The following PRC1 variants were observed in gnomAD, a reference collection of about 807,000 sequenced individuals.
The protein encoded by PRC1 is anaphase spindle elongation 1 homolog.
A neutral mutation model predicts 91.2 loss-of-function variants in PRC1; 54 were observed. The ratio of observed to expected loss-of-function variants is 0.59; its 90% CI spans 0.48 to 0.74. The LOEUF is 0.74. Ranked by LOEUF, PRC1 falls within the 30% of genes least tolerant of loss-of-function variation. The pLI, the probability that PRC1 is intolerant of heterozygous loss-of-function variation, is 0.00. For synonymous variants in PRC1, 275 were observed against 263.6 expected (o/e 1.04, Z -0.42); for missense variants, 727 against 746.2 (o/e 0.97, Z 0.30).
rs1472719651 is a variant in PRC1, at chr15:90,984,980, C to G, written c.12-155G>C. The stretch of plus-strand genomic sequence containing the variant: ...TCAGCTTAATTCACCTTTAACCACT[C>G]CCCATCCCTTTTCCTACCAAATGCC... On this transcript the variant is annotated intron_variant, in intron 1 of 14. Transcript: ENST00000394249. The surrounding 1 kb of genome is among the most constrained non-coding windows in gnomAD (Gnocchi z 5.1). Among the ~76,000 whole-genome samples the G allele has an allele frequency of 6.6e-6, 1 of 152,206 alleles. No individual in the cohort carries two copies. The highest frequency in any genetic ancestry group is 1.5e-5 in the Non-Finnish European group (1 of 68,052).
chr15:90,994,481 C>T lies in PRC1; in HGVS notation c.-64G>A. ...CTACTCCACACGGCCCCGAGAGCAA[C>T]AACCACCCGCAAACACCGGCGATGT... On this transcript the variant is annotated 5_prime_UTR_variant, in exon 1 of 15. Transcript: ENST00000394249. The T allele has an allele frequency of 1.9e-6, 3 of 1,561,970 alleles. No homozygotes were observed. The highest frequency in any genetic ancestry group is 2.6e-6 in the Non-Finnish European group (3 of 1,151,092).
At chr15:90,972,197 A>AAAAC (rs2038203878) in intron 11 of PRC1, among the ~76,000 whole-genome samples, 1 of 145,980 alleles carries the variant, frequency 6.9e-6, no homozygotes, top group Non-Finnish European at 1.5e-5. Flanking sequence ...AAAAAAAAAA[A>AAAAC]AAAAAAACAC....
chr15:90,967,774 A>C, intron 14 of PRC1: 1 of 911,750 alleles, frequency 1.1e-6, no homozygotes, highest in Non-Finnish European at 1.3e-6. Flanking sequence ...ACACTCTGAT[A>C]TGTGCACAAT....
chr15:90,994,481 C>CAA lies in PRC1; in HGVS notation c.-66_-65dup. 6.4e-7 allele frequency: 1 copy of CAA among 1,561,970 alleles called. No individual in the cohort carries two copies. Among genetic ancestry groups the CAA allele is most frequent in the Admixed American group, 1.8e-5 (1 of 55,698 alleles). On this transcript the variant is annotated 5_prime_UTR_variant, in exon 1 of 15. Coordinates refer to ENST00000394249, the MANE Select transcript of PRC1 (RefSeq NM_003981.4). ...CTACTCCACACGGCCCCGAGAGCAA[C>CAA]AACCACCCGCAAACACCGGCGATGT... is the stretch of plus-strand genomic sequence containing the variant.
At position 90,984,152 on chromosome 15, in the gene PRC1, A is replaced by G; in HGVS notation, c.145-12T>C. 4 of 1,613,720 alleles carry G rather than the reference A, an allele frequency of 2.5e-6. No homozygotes were observed. The highest frequency in any genetic ancestry group is 3.4e-6 in the Non-Finnish European group (4 of 1,179,798). ...ATATCCAGGAGTTCCTACAAGAGGG[A>G]AAACAGTCCATAAGTTTGGGGCAAT... On this transcript the variant is annotated splice_polypyrimidine_tract_variant and intron_variant, in intron 2 of 14. Transcript: ENST00000394249. The surrounding 1 kb of genome is among the most constrained non-coding windows in gnomAD (Gnocchi z 5.1).
At chr15:90,978,900 A>C (rs1456732652) in intron 8 of PRC1, among the ~76,000 whole-genome samples, 2 of 151,876 alleles carry the variant, frequency 1.3e-5, no homozygotes, top group African/African-American at 4.8e-5. Flanking sequence ...CAGATCTGCC[A>C]TGCCTGCCCC....
At chr15:90,967,250 A>C in intron 14 of PRC1, 48 bp from the exon 15 acceptor site, 1 of 1,487,192 alleles carries the variant, frequency 6.7e-7, no homozygotes. Context: ...TCTCTTACAC[A>C]TGGCCCACCC....
intron 6 of PRC1, 122 bp from the exon 7 acceptor site, chr15:90,980,511 ACTT>A: frequency 4.9e-6 from 4 of 811,400 alleles, no homozygotes; most frequent in Non-Finnish European, 6.9e-6. Flanking sequence ...ATAAATCAAC[ACTT>A]TTTTTTTTTT....
Position 90,987,296 on chromosome 15 carries a change from C to G in PRC1, c.12-2471G>C, listed in dbSNP as rs527350193. Among the ~76,000 whole-genome samples, 4 of 151,936 alleles carry G rather than the reference C, an allele frequency of 2.6e-5. No homozygotes were observed. In the East Asian group the frequency reaches 7.8e-4, roughly 29 times the overall value. ...AAAACAAAAAAAGCAAAAACAAAAC[C>G]AGGCCAAACTAATCAATGCTTTCAG... On this transcript the variant is annotated intron_variant, in intron 1 of 14. Coordinates refer to ENST00000394249, the MANE Select transcript of PRC1 (RefSeq NM_003981.4).
Position 90,968,954 on chromosome 15 carries a change from G to A in PRC1, c.1791+125C>T, listed in dbSNP as rs1007706036. On this transcript the variant is annotated intron_variant, in intron 14 of 14. Transcript: ENST00000394249. ...ATGTGTTTTTTTGAGTCCATGATAG[G>A]AATTCCTGCTTCCTTTGTAACACTG... is the stretch of plus-strand genomic sequence containing the variant. 7 of 1,523,588 alleles carry A rather than the reference G, an allele frequency of 4.6e-6. No homozygotes were observed. The African/African-American group carries it at 8.3e-5, about 18-fold the overall frequency. The allele number at this position is 1,523,588 out of a possible 1,614,324, so 94.4% of individuals were successfully genotyped here. A position where few individuals can be genotyped will look rare whatever the true frequency, so the allele number is the denominator to read the frequency against.
In PRC1 at chr15:90,981,586, G is replaced by A. The variant is rs2039198224; in HGVS notation, c.585C>T (p.Ser195=). The A allele has an allele frequency of 6.2e-7, 1 of 1,613,982 alleles. No individual in the cohort carries two copies. Among genetic ancestry groups the A allele is most frequent in the Non-Finnish European group, 8.5e-7 (1 of 1,179,958 alleles). ...MEALDHTPDT[S]FERDVVCEDE... is the part of the protein sequence containing the mutation. ...CTTCACACACCACATCTCTTTCAAA[G>A]CTTGTGTCTGGGGTGTGGTCTAATG... The change falls in exon 5 of 15, where the codon AGC becomes AGT. Residue 195 remains serine, a synonymous_variant. Transcript: ENST00000394249.
chr15:90,989,249 A>G (rs1166092463), intron 1 of PRC1, among the ~76,000 whole-genome samples: 1 of 151,896 alleles, frequency 6.6e-6, no homozygotes, highest in South Asian at 2.1e-4. Context: ...GTAGTTCCTC[A>G]ATTGATTTTT....
chr15:90,992,057 T>C (rs930285993), intron 1 of PRC1, among the ~76,000 whole-genome samples: 1 of 152,192 alleles, frequency 6.6e-6, no homozygotes, highest in African/African-American at 2.4e-5. Flanking sequence ...CTTAGGGCAC[T>C]TGGATTTGCT....
chr15:90,986,698 ATTTAT>A (rs1021089302), intron 1 of PRC1, among the ~76,000 whole-genome samples: 32 of 63,068 alleles, frequency 5.1e-4, no homozygotes, highest in African/African-American at 1.0e-3. Flanking sequence ...TTTCTATTTT[ATTTAT>A]TTATTTATTT....
rs372086975 is a variant in PRC1 at position 90,984,155 on chromosome 15, A to C, written c.145-15T>G. On this transcript the variant is annotated splice_polypyrimidine_tract_variant and intron_variant, in intron 2 of 14. Coordinates refer to ENST00000394249, the MANE Select transcript of PRC1 (RefSeq NM_003981.4). This position sits in a 1 kb window ranked among gnomAD's most constrained non-coding sequence, Gnocchi z 5.1. Reference sequence around the variant, plus strand: ...TCCAGGAGTTCCTACAAGAGGGAAAACAGTCCATAAGTTTGGGGCAATGGA... The same window carrying C: ...TCCAGGAGTTCCTACAAGAGGGAAACCAGTCCATAAGTTTGGGGCAATGGA... The C allele has an allele frequency of 2.9e-5, 46 of 1,613,832 alleles. No individual in the cohort carries two copies. In the African/African-American group the frequency reaches 5.9e-4, roughly 21 times the overall value.
rs951229132 is a variant in PRC1, at chr15:90,966,309, A to G, written c.*822T>C. 6 of 266,570 alleles carry G rather than the reference A, an allele frequency of 2.3e-5. No individual in the cohort carries two copies. Among genetic ancestry groups the G allele is most frequent in the Non-Finnish European group, 4.6e-5 (6 of 130,904 alleles). The allele number at this position is 266,570 out of a possible 1,614,324, so 16.5% of individuals were successfully genotyped here. On this transcript the variant is annotated 3_prime_UTR_variant, in exon 15 of 15. Transcript: ENST00000394249. ...GAAGCTAGAGCAGGAACACCTCCCCAGTAGTGACATGTGCAAAGTTCCAGA... is the reference window on the plus strand; with the variant it reads ...GAAGCTAGAGCAGGAACACCTCCCCGGTAGTGACATGTGCAAAGTTCCAGA...
At chr15:90,971,339 A>G (rs2038107685) in intron 11 of PRC1, among the ~76,000 whole-genome samples, 1 of 152,166 alleles carries the variant, frequency 6.6e-6, no homozygotes, top group African/African-American at 2.4e-5. Context: ...AGGCTGGAGT[A>G]CAGTGGTACA....
Position 90,984,035 on chromosome 15 carries a change from G to T in PRC1, c.250C>A (p.His84Asn). The part of the protein sequence containing the change: ...KELNTLCSEL[H>N]VEPFQEEGET... ...CCACGGACCTGAAATGGCTCAACAT[G>T]TAACTCGCTGCACAGAGTGTTCAGC... Residue 84 changes from histidine (H) to asparagine (N), a missense_variant, in exon 3 of 15, where the codon CAT becomes AAT. Transcript: ENST00000394249. The surrounding 1 kb of genome is among the most constrained non-coding windows in gnomAD (Gnocchi z 5.1). 2.5e-6 allele frequency: 4 copies of T among 1,614,096 alleles called. No individual in the cohort carries two copies. Among genetic ancestry groups the T allele is most frequent in the Non-Finnish European group, 3.4e-6 (4 of 1,179,978 alleles).
At chr15:90,992,698 G>GC (rs1326364577) in intron 1 of PRC1, among the ~76,000 whole-genome samples, 1 of 131,638 alleles carries the variant, frequency 7.6e-6, no homozygotes, top group African/African-American at 3.9e-5. Flanking sequence ...CCTAAAAGCA[G>GC]CAAGTCTGAG....
Sources: gnomAD v4.1 joint callset for allele counts (sites outside exome capture counted in the v4.1 genomes callset) on GRCh38, gnomAD v4.1.1 for gene constraint, Gnocchi (gnomAD v3.1) non-coding constraint, MANE v1.5 for transcripts, NCBI Gene and HGNC (gene_info 2026-07-23, HGNC 2026-07-21) for gene names.